CCDC127: variants seen among roughly 807,000 people sequenced by gnomAD.
CCDC127 encodes the protein coiled-coil domain containing 127.
CCDC127 carries 2 observed loss-of-function variants against 4.1 expected under a neutral mutation model. The observed-to-expected ratio is 0.49, with a 90% CI of 0.20 to 1.53. The LOEUF (loss-of-function observed/expected upper bound fraction) is 1.53, where lower values mean the gene tolerates loss of function less well. Among genes scored for constraint, CCDC127 ranks in the 40% most tolerant of loss-of-function variants. The probability of loss-of-function intolerance (pLI) is 0.23; values close to 1 mark genes in which losing one functional copy is unlikely to be tolerated. For missense variants in CCDC127, 271 were observed against 322.9 expected (o/e 0.84, Z 1.23); for synonymous variants, 98 against 120.4 (o/e 0.81, Z 1.22).
rs539122676 is a variant in CCDC127, at chr5:208,504, A to G, written c.122-2546T>C. On this transcript the variant is annotated intron_variant, in intron 2 of 2. Coordinates refer to ENST00000296824, the MANE Select transcript of CCDC127 (RefSeq NM_145265.3). ...ATAACACAGAAAAAACTACGGCCCCACCTCCACCCACATGGGCAAAGGCTG... is the reference window on the plus strand; with the variant it reads ...ATAACACAGAAAAAACTACGGCCCCGCCTCCACCCACATGGGCAAAGGCTG... Among the ~76,000 whole-genome samples, 31 of 152,266 alleles carry G rather than the reference A, an allele frequency of 2.0e-4. No homozygotes were observed. In the East Asian group the frequency reaches 5.8e-3, roughly 28 times the overall value.
chr5:214,658 T>A (rs1228537680), intron 2 of CCDC127: 2 of 152,114 alleles, frequency 1.3e-5, no homozygotes, highest in Non-Finnish European at 2.9e-5. Flanking sequence ...TGGGAGCTAC[T>A]CAGGGTAAGA....
At chr5:206,469 A>AACGGG (rs1198979635) in intron 2 of CCDC127, among the ~76,000 whole-genome samples, 1 of 152,164 alleles carries the variant, frequency 6.6e-6, no homozygotes, top group Non-Finnish European at 1.5e-5. Flanking sequence ...ATCTCACGAA[A>AACGGG]ACGGGACGAA....
intron 2 of CCDC127, among the ~76,000 whole-genome samples, chr5:210,084 C>T (rs1302575897): frequency 1.3e-5 from 2 of 152,132 alleles, no homozygotes; most frequent in Admixed American, 6.6e-5. Context: ...GAAGGCAAGA[C>T]AAGAAATCAA....
In CCDC127 at chr5:202,852, C is replaced by G. The variant is rs537636625; in HGVS notation, c.*2445G>C. The G allele has an allele frequency of 6.6e-6, 1 of 152,200 alleles. No homozygotes were observed. Among genetic ancestry groups the G allele is most frequent in the Admixed American group, 6.5e-5 (1 of 15,278 alleles). The allele number at this position is 152,200 out of a possible 1,614,324, so 9.4% of individuals were successfully genotyped here. A position where few individuals can be genotyped will look rare whatever the true frequency, so the allele number is the denominator to read the frequency against. ...AGACCGGATTGCCGCAGGAATGGAG[C>G]CTGCACCGCTCTTTAGGCAAGGGTC... is the stretch of plus-strand genomic sequence containing the variant. On this transcript the variant is annotated 3_prime_UTR_variant, in exon 3 of 3. Coordinates refer to ENST00000296824, the MANE Select transcript of CCDC127 (RefSeq NM_145265.3).
In CCDC127 at chr5:205,729, C is replaced by A. The variant is rs775522093; in HGVS notation, c.351G>T (p.Lys117Asn). ...GGGCCCGTTCCTGTTCCAGAAGCTT[C>A]TTTTCTTCTACCAACTTGCGTCCCT... ...ISQGRKLVEE[K>N]KLLEQERAQV... The change falls in exon 3 of 3, where the codon AAG becomes AAT. Residue 117 changes from lysine to asparagine, a missense_variant. This residue lies in a region of CCDC127 where 265 missense variants were observed against 270.9 expected (regional missense o/e 0.98). Coordinates refer to ENST00000296824, the MANE Select transcript of CCDC127 (RefSeq NM_145265.3). The A allele has an allele frequency of 6.2e-7, 1 of 1,614,128 alleles. No homozygotes were observed. Among genetic ancestry groups the A allele is most frequent in the Non-Finnish European group, 8.5e-7 (1 of 1,180,022 alleles).
rs746768775 is a variant in CCDC127, at chr5:205,370, T to C, written c.710A>G (p.Tyr237Cys). 21 of 1,614,112 alleles carry C rather than the reference T, an allele frequency of 1.3e-5. No homozygotes were observed. Among genetic ancestry groups the C allele is most frequent in the African/African-American group, 1.1e-4 (8 of 74,952 alleles). The part of the protein sequence containing the change: ...KRQNGRLMWL[Y>C]LKYWELVVEL... ...GACAACGAGTTCCCAGTATTTGAGA[T>C]AGAGCCACATGAGTCTGCCATTCTG... Residue 237 changes from tyrosine to cysteine, a missense_variant, in exon 3 of 3, where the codon TAT (tyrosine) becomes TGT (cysteine). Tyr to Cys is a radical substitution (Grantham distance 194). Transcript: ENST00000296824.
At chr5:208,684 G>A (rs1162690750) in intron 2 of CCDC127, among the ~76,000 whole-genome samples, 1 of 152,246 alleles carries the variant, frequency 6.6e-6, no homozygotes, top group African/African-American at 2.4e-5. Flanking sequence ...GGCCCATGGG[G>A]GCCAGAGGCT....
At chr5:213,241 C>T (rs1734309069) in intron 2 of CCDC127, among the ~76,000 whole-genome samples, 1 of 84,730 alleles carries the variant, frequency 1.2e-5, no homozygotes, top group Non-Finnish European at 2.1e-5. Context: ...GCAGACGGGA[C>T]AGCAGTGTGA....
intron 2 of CCDC127, among the ~76,000 whole-genome samples, chr5:207,869 C>T (rs1047790233): frequency 3.3e-5 from 5 of 152,142 alleles, no homozygotes; most frequent in African/African-American, 7.2e-5. Flanking sequence ...CGATCTCAGT[C>T]GAGTCACATC....
intron 2 of CCDC127, among the ~76,000 whole-genome samples, chr5:211,117 C>T (rs71583064): frequency 9.3e-6 from 1 of 107,102 alleles, no homozygotes; most frequent in Non-Finnish European, 1.8e-5. Context: ...CGCTGATGCT[C>T]GACATCGAAT....
chr5:217,943 GC>G, intron 1 of CCDC127, 149 bp downstream of exon 1: 1 of 267,770 alleles, frequency 3.7e-6, no homozygotes, highest in Non-Finnish European at 6.2e-6. Context: ...GGCCGCTCCC[GC>G]CCACCTCCGC....
chr5:205,238 A>G lies in CCDC127; in HGVS notation c.*59T>C. 2.0e-6 allele frequency: 3 copies of G among 1,497,318 alleles called. No homozygotes were observed. Among genetic ancestry groups the G allele is most frequent in the Non-Finnish European group, 2.7e-6 (3 of 1,102,654 alleles). The allele number at this position is 1,497,318 out of a possible 1,614,324, so 92.8% of individuals were successfully genotyped here. ...CGGGAACGGAAGACGCCGGAGACCC[A>G]GAAGGCGCATGACTGCCTGGCCTCG... On this transcript the variant is annotated 3_prime_UTR_variant, in exon 3 of 3. Transcript: ENST00000296824.
In CCDC127 at chr5:205,513, G is replaced by A. The variant is rs754942912; in HGVS notation, c.567C>T (p.Ser189=). Residue 189 remains serine, a synonymous_variant, in exon 3 of 3, where the codon AGC becomes AGT. Coordinates refer to ENST00000296824, the MANE Select transcript of CCDC127 (RefSeq NM_145265.3). Reference sequence around the variant, plus strand: ...GGTCGACGGACGCTCGCACCAGTAAGCTCTTCTCTATCTCCAGCCGCTTGC... The same window carrying A: ...GGTCGACGGACGCTCGCACCAGTAAACTCTTCTCTATCTCCAGCCGCTTGC... ...PRSKRLEIEK[S]LLVRASVDPV... 3.7e-6 allele frequency: 6 copies of A among 1,614,022 alleles called. No homozygotes were observed. In the South Asian group the frequency reaches 5.5e-5, roughly 15 times the overall value.
intron 2 of CCDC127, among the ~76,000 whole-genome samples, chr5:213,094 G>A (rs1651342): frequency 2.5e-4 from 11 of 43,174 alleles, no homozygotes; most frequent in African/African-American, 4.4e-4. Flanking sequence ...GCTCGACATC[G>A]CACACTGCAG....
At chr5:209,034 T>C (rs2126508208) in intron 2 of CCDC127, among the ~76,000 whole-genome samples, 1 of 152,306 alleles carries the variant, frequency 6.6e-6, no homozygotes, top group Non-Finnish European at 1.5e-5. Context: ...ATGAAAATTC[T>C]GGAACTGAAA....
rs917688907 is a variant in CCDC127, at chr5:203,892, T to G, written c.*1405A>C. The G allele has an allele frequency of 6.6e-6, 1 of 152,266 alleles. No individual in the cohort carries two copies. The highest frequency in any genetic ancestry group is 2.4e-5 in the African/African-American group (1 of 41,438). 9.4% of individuals were successfully genotyped at this position (152,266 alleles called of 1,614,324 possible). On this transcript the variant is annotated 3_prime_UTR_variant, in exon 3 of 3. Transcript: ENST00000296824. ...CAAGGCTGTGTCCTACCAGGGCCTG[T>G]GTGCAAGGCTGGCCCTTGACTGACA...
At chr5:210,824 G>A (rs1232056934) in intron 2 of CCDC127, among the ~76,000 whole-genome samples, 112 of 110,580 alleles carry the variant, frequency 1.0e-3, no homozygotes, top group Non-Finnish European at 1.4e-3. Context: ...GGGCAGACGG[G>A]ACAGCAGTGT....
Position 202,533 on chromosome 5 carries a change from C to T in CCDC127, c.*2764G>A, listed in dbSNP as rs187483391. 3.3e-5 allele frequency: 5 copies of T among 152,316 alleles called. No homozygotes were observed. Among genetic ancestry groups the T allele is most frequent in the East Asian group, 1.9e-4 (1 of 5,170 alleles). The allele number at this position is 152,316 out of a possible 1,614,324, so 9.4% of individuals were successfully genotyped here. On this transcript the variant is annotated 3_prime_UTR_variant, in exon 3 of 3. Coordinates refer to ENST00000296824, the MANE Select transcript of CCDC127 (RefSeq NM_145265.3). ...CCGGGAGGCAGAGCTTGCAGTGAGG[C>T]GAGATTGTGCCACTGCACTCCCGCC...
intron 1 of CCDC127, chr5:217,317 T>A (rs139455863): frequency 0.076 from 10,375 of 135,856 alleles, no homozygotes; most frequent in African/African-American, 0.13. Flanking sequence ...TTAATTTTGT[T>A]TGTCAACTTG....
Sources: allele counts gnomAD v4.1 joint callset (sites outside exome capture counted in the v4.1 genomes callset), GRCh38; gene constraint gnomAD v4.1.1; regional missense constraint gnomAD v4.1.1; transcripts MANE v1.5; gene names NCBI Gene and HGNC (gene_info 2026-07-23, HGNC 2026-07-21).